The following CLCN3 variants were observed in gnomAD, a reference collection of about 807,000 sequenced individuals.
The protein encoded by CLCN3 is H(+)/Cl(-) exchange transporter 3.
Under a neutral mutation model 83.4 loss-of-function variants are expected in CLCN3, and 16 were observed. That is an observed-to-expected ratio of 0.19 (90% CI 0.13 to 0.29). CLCN3 has a LOEUF of 0.29. CLCN3 is among the 10% of genes least tolerant of loss of function. The pLI, the probability that CLCN3 is intolerant of heterozygous loss-of-function variation, is 1.00. For synonymous variants in CLCN3, 322 were observed against 346.2 expected (o/e 0.93, Z 0.78); for missense variants, 544 against 1,006.0 (o/e 0.54, Z 6.21).
intron 2 of CLCN3, among the ~76,000 whole-genome samples, chr4:169,655,749 T>C (rs1351425261): frequency 6.6e-6 from 1 of 152,194 alleles, no homozygotes; most frequent in Non-Finnish European, 1.5e-5. Context: ...CAAGTGATCC[T>C]CCTGCCTCAG....
At chr4:169,637,595 C>A (rs1047498560) in intron 2 of CLCN3, among the ~76,000 whole-genome samples, 2 of 151,280 alleles carry the variant, frequency 1.3e-5, no homozygotes, top group East Asian at 1.9e-4. Context: ...ACCACCACCA[C>A]CAACAACAAC....
At chr4:169,671,684 C>T (rs756177406) in intron 2 of CLCN3, among the ~76,000 whole-genome samples, 1 of 152,116 alleles carries the variant, frequency 6.6e-6, no homozygotes, top group African/African-American at 2.4e-5. Context: ...AATATCGAAT[C>T]GTGTTCTCCA....
intron 2 of CLCN3, 124 bp downstream of exon 2, chr4:169,636,212 T>G: frequency 1.2e-6 from 1 of 833,700 alleles, no homozygotes; most frequent in South Asian, 1.8e-5. Context: ...TTACATAACA[T>G]AAACTTAACC....
intron 9 of CLCN3, among the ~76,000 whole-genome samples, chr4:169,702,227 G>A (rs559688739): frequency 1.3e-5 from 2 of 152,262 alleles, no homozygotes; most frequent in South Asian, 2.1e-4. Flanking sequence ...TTCCTGGTGG[G>A]GTTGGGAGGA....
chr4:169,625,911 C>A (rs905786748), intron 1 of CLCN3, among the ~76,000 whole-genome samples: 1 of 152,140 alleles, frequency 6.6e-6, no homozygotes, highest in African/African-American at 2.4e-5. Flanking sequence ...TTTCTCCCCC[C>A]ACAGCAACCA....
chr4:169,621,159 C>T (rs763465196), intron 1 of CLCN3, 96 bp downstream of exon 1: 1 of 372,690 alleles, frequency 2.7e-6, no homozygotes, highest in East Asian at 3.9e-5. Flanking sequence ...GTTTCTCTTA[C>T]AATGTACCTA....
intron 1 of CLCN3, among the ~76,000 whole-genome samples, chr4:169,635,469 T>A (rs909028602): frequency 1.3e-5 from 2 of 152,132 alleles, no homozygotes; most frequent in African/African-American, 4.8e-5. Flanking sequence ...ATAAATATTT[T>A]AAAATTTTTT....
chr4:169,681,093 A>T (rs576811166), intron 3 of CLCN3, among the ~76,000 whole-genome samples: 29 of 152,026 alleles, frequency 1.9e-4, no homozygotes, highest in African/African-American at 7.0e-4. Flanking sequence ...CTGTTGCCCA[A>T]ACTGGAGTGC....
At chr4:169,622,005 A>AT (rs1179730818) in intron 1 of CLCN3, among the ~76,000 whole-genome samples, 1 of 152,130 alleles carries the variant, frequency 6.6e-6, no homozygotes, top group Non-Finnish European at 1.5e-5. Flanking sequence ...ACCTACAGAT[A>AT]TTTTCTCAAC....
At chr4:169,661,337 A>G (rs1202089053) in intron 2 of CLCN3, among the ~76,000 whole-genome samples, 1 of 152,160 alleles carries the variant, frequency 6.6e-6, no homozygotes. Flanking sequence ...GATATTATAA[A>G]CTCACCTTAT....
rs141230194 is a variant in CLCN3 at position 169,623,398 on chromosome 4, A to G, written c.-17+2335A>G. Among the ~76,000 whole-genome samples the G allele has an allele frequency of 3.6e-3, 555 of 152,270 alleles. 3 individuals are homozygous for G. The highest frequency in any genetic ancestry group is 0.012 in the African/African-American group (519 of 41,554). ...TTTATTTATTTTTAATTGACAGATA[A>G]TCATTGTGTATATTTATGGGGTTCA... On this transcript the variant is annotated intron_variant, in intron 1 of 12. Coordinates refer to ENST00000513761, the MANE Select transcript of CLCN3 (RefSeq NM_001829.4).
chr4:169,710,729 A>T (rs1733180139), intron 11 of CLCN3, among the ~76,000 whole-genome samples: 1 of 152,214 alleles, frequency 6.6e-6, no homozygotes. Context: ...AATTTCATTG[A>T]TACAGTGTTT....
intron 9 of CLCN3, among the ~76,000 whole-genome samples, chr4:169,700,920 T>C (rs1732761300): frequency 6.6e-6 from 1 of 152,250 alleles, no homozygotes; most frequent in South Asian, 2.1e-4. Flanking sequence ...TCTGTTTTGC[T>C]TCTGTAGGGT....
At chr4:169,679,182 C>T (rs1731814847) in intron 2 of CLCN3, among the ~76,000 whole-genome samples, 1 of 150,498 alleles carries the variant, frequency 6.6e-6, no homozygotes, top group South Asian at 2.1e-4. Flanking sequence ...GACAGGGTGG[C>T]GGCTGGGCAG....
intron 8 of CLCN3, among the ~76,000 whole-genome samples, chr4:169,696,501 C>T (rs1732569701): frequency 6.6e-6 from 1 of 151,990 alleles, no homozygotes. Context: ...ATAATCAAAT[C>T]AGAGTGATTA....
At chr4:169,660,362 T>G in intron 2 of CLCN3, 1 of 1,396,560 alleles carries the variant, frequency 7.2e-7, no homozygotes, top group Non-Finnish European at 9.2e-7. Flanking sequence ...TATTTAAAAA[T>G]TCTAATCATG....
chr4:169,626,488 C>CT (rs2150196058), intron 1 of CLCN3, among the ~76,000 whole-genome samples: 1 of 152,378 alleles, frequency 6.6e-6, no homozygotes, highest in Non-Finnish European at 1.5e-5. Flanking sequence ...CCAACTTCTT[C>CT]TGCCTGTCTG....
At chr4:169,712,868 A>T (rs1733276525) in intron 11 of CLCN3, among the ~76,000 whole-genome samples, 1 of 152,346 alleles carries the variant, frequency 6.6e-6, no homozygotes, top group South Asian at 2.1e-4. Flanking sequence ...CATGAAGATG[A>T]TATATTATTG....
In CLCN3 at chr4:169,680,106, G is replaced by T; in HGVS notation, c.217G>T (p.Asp73Tyr). Residue 73 changes from aspartate (D) to tyrosine (Y), a missense_variant, in exon 3 of 13, where the codon GAT becomes TAT. Physicochemically the swap from Asp to Tyr is radical, Grantham distance 160. Transcript: ENST00000513761. ...CATTAACAGTTCTACACATTTACTG[G>T]ATCTTTTGGATGAACCAATTCCAGG... ...GSINSSTHLL[D>Y]LLDEPIPGVG... The T allele has an allele frequency of 6.2e-7, 1 of 1,611,590 alleles. No homozygotes were observed. The highest frequency in any genetic ancestry group is 2.2e-5 in the East Asian group (1 of 44,850).
Sources: allele counts gnomAD v4.1 joint callset (sites outside exome capture counted in the v4.1 genomes callset), GRCh38; gene constraint gnomAD v4.1.1; transcripts MANE v1.5; gene names NCBI Gene and HGNC (gene_info 2026-07-23, HGNC 2026-07-21).